Variants in ZPLD1 observed in about 807,000 individuals in gnomAD.
ZPLD1 encodes zona pellucida like domain containing 1, also known as zona pellucida-like domain-containing protein 1.
Under a neutral mutation model 47.2 loss-of-function variants are expected in ZPLD1, and 34 were observed. That is an observed-to-expected ratio of 0.72 (90% CI 0.55 to 0.96). The LOEUF is 0.96. Ranked by LOEUF, ZPLD1 falls within the 40% of genes least tolerant of loss-of-function variation. ZPLD1 has a pLI of 0.00. For missense variants in ZPLD1, 512 were observed against 505.8 expected (o/e 1.01, Z -0.12); for synonymous variants, 176 against 186.2 (o/e 0.95, Z 0.45).
intron 6 of ZPLD1, among the ~76,000 whole-genome samples, chr3:102,385,989 C>T (rs1706420312): frequency 6.6e-6 from 1 of 152,194 alleles, no homozygotes; most frequent in South Asian, 2.1e-4. Context: ...GACTAGTAAA[C>T]TTGACTAGTG....
chr3:102,422,946 G>A (rs1706898022), intron 8 of ZPLD1, among the ~76,000 whole-genome samples: 1 of 151,968 alleles, frequency 6.6e-6, no homozygotes, highest in Non-Finnish European at 1.5e-5. Flanking sequence ...ATCAACCTTG[G>A]TGTGAAATGT....
At chr3:102,441,825 A>T (rs571726648) in intron 3 of ZPLD1, among the ~76,000 whole-genome samples, 1 of 152,268 alleles carries the variant, frequency 6.6e-6, no homozygotes, top group South Asian at 2.1e-4. Flanking sequence ...ATGAATCCTC[A>T]CTTTACCTGG....
chr3:102,407,392 A>AATATATATATATATATATAT (rs63183460), intron 7 of ZPLD1, among the ~76,000 whole-genome samples: 2 of 37,872 alleles, frequency 5.3e-5, no homozygotes, highest in Admixed American at 4.8e-4. Context: ...TTGATTTTCA[A>AATATATATATATATATATAT]ATATATATAT....
intron 5 of ZPLD1, among the ~76,000 whole-genome samples, 158 bp downstream of exon 5, chr3:102,456,532 C>A (rs1206271021): frequency 6.8e-6 from 1 of 146,814 alleles, no homozygotes; most frequent in African/African-American, 2.5e-5. Context: ...TTACCTCTAT[C>A]TGTTTATCTA....
intron 8 of ZPLD1, among the ~76,000 whole-genome samples, chr3:102,419,800 A>G (rs558389291): frequency 1.3e-5 from 2 of 152,058 alleles, no homozygotes; most frequent in Admixed American, 6.6e-5. Context: ...CTTTAAGTTC[A>G]TGAGTAGAGA....
At chr3:102,411,494 G>A (rs1181864560) in intron 7 of ZPLD1, among the ~76,000 whole-genome samples, 1 of 151,692 alleles carries the variant, frequency 6.6e-6, no homozygotes, top group African/African-American at 2.4e-5. Context: ...GGTTATTGCT[G>A]GTGTTAAACT....
chr3:102,462,229 G>A (rs1707517289), intron 6 of ZPLD1, 52 bp from the exon 7 acceptor site: 2 of 1,102,552 alleles, frequency 1.8e-6, no homozygotes, highest in Admixed American at 4.0e-5. Context: ...TAAGTAGTAA[G>A]TGTGCTGTTG....
chr3:102,389,315 G>C lies in ZPLD1; in HGVS notation c.-212-2855G>C, dbSNP rs1706470294. Among the ~76,000 whole-genome samples the C allele has an allele frequency of 2.0e-5, 3 of 152,120 alleles. No homozygotes were observed. In the South Asian group the frequency reaches 6.2e-4, roughly 32 times the overall value. The stretch of plus-strand genomic sequence containing the variant: ...ATGGTTGACATGTCATCTTGACTCA[G>C]GAGTTGTGCTAAGTGCTAAACTCTA... On this transcript the variant is annotated intron_variant, in intron 6 of 17. Coordinates refer to the ZPLD1 transcript ENST00000491959.
intron 9 of ZPLD1, among the ~76,000 whole-genome samples, chr3:102,469,654 T>C (rs946429409): frequency 2.6e-5 from 4 of 152,112 alleles, no homozygotes; most frequent in African/African-American, 9.7e-5. Flanking sequence ...AGTTCTTCAG[T>C]AGGGTTGTAG....
At chr3:102,461,915 T>C (rs1222203041) in intron 6 of ZPLD1, among the ~76,000 whole-genome samples, 1 of 152,030 alleles carries the variant, frequency 6.6e-6, no homozygotes, top group Non-Finnish European at 1.5e-5. Context: ...TCAATATTAG[T>C]CTCTAATATA....
intron 3 of ZPLD1, among the ~76,000 whole-genome samples, chr3:102,447,902 A>G (rs1407913580): frequency 1.3e-5 from 2 of 152,210 alleles, no homozygotes; most frequent in Non-Finnish European, 2.9e-5. Context: ...ATTTATATAT[A>G]TAGAACTGGA....
intron 6 of ZPLD1, among the ~76,000 whole-genome samples, chr3:102,388,455 CTG>C (rs55700835): frequency 0.076 from 10,241 of 135,036 alleles, 422 homozygotes; most frequent in Middle Eastern, 0.1. Context: ...CTCTCTCTGT[CTG>C]TGTGTGTGTG....
intron 7 of ZPLD1, among the ~76,000 whole-genome samples, chr3:102,394,984 TG>T (rs1234102506): frequency 3.9e-5 from 6 of 152,136 alleles, no homozygotes; most frequent in Admixed American, 1.3e-4. Flanking sequence ...AAAATATACA[TG>T]GGTTTTGAGA....
chr3:102,392,534 T>TCCTC (rs1339140941), intron 7 of ZPLD1, among the ~76,000 whole-genome samples: 19 of 144,478 alleles, frequency 1.3e-4, no homozygotes, highest in South Asian at 4.3e-4. Flanking sequence ...CTTCCTTCCT[T>TCCTC]CCTCCCTCCC....
chr3:102,477,343 A>G, intron 11 of ZPLD1, 100 bp from the exon 12 acceptor site: 9 of 1,202,828 alleles, frequency 7.5e-6, no homozygotes, highest in Non-Finnish European at 1.1e-5. Context: ...CTGCTATTCT[A>G]TGAGATGCTG....
chr3:102,476,013 T>G (rs1392121197), intron 10 of ZPLD1, among the ~76,000 whole-genome samples: 1 of 152,184 alleles, frequency 6.6e-6, no homozygotes, highest in East Asian at 1.9e-4. Context: ...TTTAAGCACA[T>G]GTTTACTCTG....
intron 6 of ZPLD1, among the ~76,000 whole-genome samples, chr3:102,386,952 G>A (rs904804708): frequency 1.3e-5 from 2 of 152,074 alleles, no homozygotes; most frequent in African/African-American, 2.4e-5. Context: ...TGTTTATGCT[G>A]TTATTTCTTG....
chr3:102,436,543 C>T (rs922988377), intron 1 of ZPLD1, among the ~76,000 whole-genome samples: 3 of 152,128 alleles, frequency 2.0e-5, no homozygotes, highest in Admixed American at 6.5e-5. Flanking sequence ...ATTTAGGTAG[C>T]TTGTTCAACA....
At chr3:102,441,218 G>A (rs1212750728) in intron 3 of ZPLD1, among the ~76,000 whole-genome samples, 1 of 152,132 alleles carries the variant, frequency 6.6e-6, no homozygotes, top group Non-Finnish European at 1.5e-5. Flanking sequence ...AGGTGAATAA[G>A]GCATGTTAAA....
Sources: gnomAD v4.1 joint callset for allele counts (sites outside exome capture counted in the v4.1 genomes callset) on GRCh38, gnomAD v4.1.1 for gene constraint, MANE v1.5 for transcripts, NCBI Gene and HGNC (gene_info 2026-07-23, HGNC 2026-07-21) for gene names.